RIMS2: variants seen among roughly 807,000 people sequenced by gnomAD.
RIMS2 encodes regulating synaptic membrane exocytosis 2.
Under a neutral mutation model 174.4 loss-of-function variants are expected in RIMS2, and 59 were observed. The ratio of observed to expected loss-of-function variants is 0.34; its 90% CI spans 0.27 to 0.42. The LOEUF (loss-of-function observed/expected upper bound fraction) is 0.42, where lower values mean the gene tolerates loss of function less well. Ranked by LOEUF, RIMS2 falls within the 10% of genes least tolerant of loss-of-function variation. RIMS2 has a pLI of 1.00. For missense variants in RIMS2, 1,620 were observed against 1,666.3 expected, an observed-to-expected ratio of 0.97 and a Z score of 0.48; for synonymous variants, 606 against 572.5, an observed-to-expected ratio of 1.06 and a Z score of -0.84.
intron 19 of RIMS2, among the ~76,000 whole-genome samples, chr8:104,092,305 A>G (rs1040859238): frequency 3.3e-5 from 5 of 151,840 alleles, no homozygotes; most frequent in African/African-American, 1.2e-4. Context: ...AAAAATAATC[A>G]TCTTTCTAAG....
At chr8:103,546,150 T>C (rs4734720) in intron 1 of RIMS2, among the ~76,000 whole-genome samples, 10,914 of 152,104 alleles carry the variant, frequency 0.072, 489 homozygotes, top group Admixed American at 0.11. Flanking sequence ...CCTACAAGCA[T>C]TGATACCCAT....
intron 19 of RIMS2, among the ~76,000 whole-genome samples, chr8:104,219,874 C>A (rs1233210481): frequency 6.6e-6 from 1 of 152,052 alleles, no homozygotes; most frequent in African/African-American, 2.4e-5. Flanking sequence ...AGGACATTTT[C>A]AATCTTTTAT....
chr8:103,682,921 AAG>A (rs925829780), intron 1 of RIMS2, among the ~76,000 whole-genome samples: 1 of 152,142 alleles, frequency 6.6e-6, no homozygotes, highest in African/African-American at 2.4e-5. Context: ...GTTCTTATGT[AAG>A]AGAGTTTTAA....
intron 11 of RIMS2, among the ~76,000 whole-genome samples, chr8:103,930,967 T>C (rs528037939): frequency 6.6e-6 from 1 of 152,200 alleles, no homozygotes; most frequent in South Asian, 2.1e-4. Flanking sequence ...GATCAGTCAT[T>C]GTATATAAAG....
chr8:103,583,594 G>A (rs2093737051), intron 1 of RIMS2, among the ~76,000 whole-genome samples: 1 of 152,152 alleles, frequency 6.6e-6, no homozygotes, highest in Admixed American at 6.5e-5. Flanking sequence ...AACAGAGATT[G>A]CAATAATTAA....
intron 1 of RIMS2, among the ~76,000 whole-genome samples, chr8:103,670,680 G>C (rs2096733534): frequency 6.6e-6 from 1 of 152,136 alleles, no homozygotes; most frequent in Admixed American, 6.5e-5. Context: ...AAAATAACAA[G>C]AGTCAGCTTT....
intron 1 of RIMS2, among the ~76,000 whole-genome samples, chr8:103,525,888 A>G (rs1286866751): frequency 2.6e-5 from 4 of 152,230 alleles, no homozygotes. Context: ...GAGAACAACT[A>G]GAAAAGCTGG....
At chr8:103,748,191 C>T (rs935124436) in intron 2 of RIMS2, among the ~76,000 whole-genome samples, 2 of 151,986 alleles carry the variant, frequency 1.3e-5, no homozygotes, top group East Asian at 3.9e-4. Flanking sequence ...CCTGTAATCC[C>T]AGTACTTTGG....
At chr8:103,920,114 T>C (rs924895416) in intron 9 of RIMS2, among the ~76,000 whole-genome samples, 1 of 152,146 alleles carries the variant, frequency 6.6e-6, no homozygotes, top group Admixed American at 6.5e-5. Flanking sequence ...AATTCCAAAA[T>C]CGTTTCTGAG....
At chr8:103,764,750 A>G (rs2098149893) in intron 2 of RIMS2, among the ~76,000 whole-genome samples, 2 of 152,156 alleles carry the variant, frequency 1.3e-5, no homozygotes, top group South Asian at 4.1e-4. Context: ...CAAATATATT[A>G]TTACCATATT....
chr8:104,074,016 A>G (rs765182482), intron 19 of RIMS2, among the ~76,000 whole-genome samples: 2 of 152,208 alleles, frequency 1.3e-5, no homozygotes, highest in Non-Finnish European at 2.9e-5. Flanking sequence ...ACTGTTATCT[A>G]AACTGTTTGT....
At chr8:104,203,368 A>T (rs1023854810) in intron 19 of RIMS2, among the ~76,000 whole-genome samples, 11 of 152,154 alleles carry the variant, frequency 7.2e-5, no homozygotes, top group Admixed American at 7.2e-4. Context: ...ACCCAAACAC[A>T]GAAACCTATT....
At chr8:103,594,075 ATACT>A (rs913127819) in intron 1 of RIMS2, among the ~76,000 whole-genome samples, 14 of 151,648 alleles carry the variant, frequency 9.2e-5, no homozygotes, top group African/African-American at 2.7e-4. Context: ...CTCAAAATTA[ATACT>A]TACAGCACTT....
chr8:104,249,288 T>C (rs555628179), intron 21 of RIMS2, among the ~76,000 whole-genome samples, 199 bp from the exon 28 acceptor site: 1 of 152,232 alleles, frequency 6.6e-6, no homozygotes, highest in Non-Finnish European at 1.5e-5. Flanking sequence ...ATTTTAAGAA[T>C]AAAAAATATT....
intron 1 of RIMS2, among the ~76,000 whole-genome samples, chr8:103,672,578 C>T (rs1366200839): frequency 6.6e-6 from 1 of 151,768 alleles, no homozygotes. Flanking sequence ...AGAGGTGCCA[C>T]ACACTTTTAA....
intron 19 of RIMS2, among the ~76,000 whole-genome samples, chr8:104,132,813 T>C (rs138896460): frequency 4.7e-4 from 71 of 152,296 alleles, no homozygotes; most frequent in Non-Finnish European, 7.4e-5. Context: ...TCACGTGGCA[T>C]GTAGTTTGTA....
chr8:104,101,248 T>C (rs1055438037), intron 19 of RIMS2, among the ~76,000 whole-genome samples: 24 of 151,564 alleles, frequency 1.6e-4, no homozygotes, highest in African/African-American at 5.8e-4. Flanking sequence ...TGCCTCAGCC[T>C]CCCAAGTAGC....
intron 10 of RIMS2, among the ~76,000 whole-genome samples, chr8:103,925,129 C>T (rs558291670): frequency 6.6e-6 from 1 of 151,626 alleles, no homozygotes; most frequent in African/African-American, 2.4e-5. Flanking sequence ...GAAAATATAG[C>T]TTTCAATTAT....
At chr8:104,059,291 T>A (rs1199379111) in intron 19 of RIMS2, among the ~76,000 whole-genome samples, 1 of 149,260 alleles carries the variant, frequency 6.7e-6, no homozygotes, top group Non-Finnish European at 1.5e-5. Flanking sequence ...TCACATCCCT[T>A]GTAAGTTGGA....
Sources: allele counts gnomAD v4.1 joint callset (sites outside exome capture counted in the v4.1 genomes callset), GRCh38; gene constraint gnomAD v4.1.1; transcripts MANE v1.5; gene names NCBI Gene and HGNC (gene_info 2026-07-23, HGNC 2026-07-21).